Variants in CACNA1C observed in about 807,000 individuals in gnomAD.
CACNA1C encodes calcium voltage-gated channel subunit alpha1 C.
CACNA1C carries 30 observed loss-of-function variants against 229.0 expected under a neutral mutation model. The observed-to-expected ratio is 0.13, with a 90% CI of 0.10 to 0.18. The LOEUF is 0.18. CACNA1C is among the 10% of genes least tolerant of loss of function. The pLI, the probability that CACNA1C is intolerant of heterozygous loss-of-function variation, is 1.00. For missense variants in CACNA1C, 1,658 were observed against 2,845.0 expected, an observed-to-expected ratio of 0.58 and a Z score of 9.49; for synonymous variants, 1,114 against 1,132.5, an observed-to-expected ratio of 0.98 and a Z score of 0.33.
At chr12:2,212,950 C>T (rs193182443) in intron 3 of CACNA1C, among the ~76,000 whole-genome samples, 1 of 152,292 alleles carries the variant, frequency 6.6e-6, no homozygotes, top group Admixed American at 6.5e-5. Context: ...TAACACATTG[C>T]TCAGTGATGT....
chr12:2,075,763 A>G (rs751682633), intron 1 of CACNA1C, among the ~76,000 whole-genome samples: 4 of 152,208 alleles, frequency 2.6e-5, no homozygotes, highest in Non-Finnish European at 4.4e-5. Context: ...CAGTGGAGCC[A>G]GGTTCCCAGA....
At chr12:2,032,119 C>T (rs767134925) in intron 1 of CACNA1C, among the ~76,000 whole-genome samples, 4 of 151,830 alleles carry the variant, frequency 2.6e-5, no homozygotes, top group Admixed American at 6.6e-5. Flanking sequence ...AGTGGGAGCA[C>T]GGCTTGCGGC....
intron 3 of CACNA1C, among the ~76,000 whole-genome samples, chr12:2,203,654 A>C (rs4765667): frequency 0.34 from 51,593 of 151,158 alleles, 9,210 homozygotes; most frequent in South Asian, 0.39. Flanking sequence ...AGGGAAAGAG[A>C]GCACCAGGGG....
intron 9 of CACNA1C, among the ~76,000 whole-genome samples, chr12:2,518,720 G>A (rs1244497227): frequency 6.6e-6 from 1 of 152,094 alleles, no homozygotes; most frequent in Non-Finnish European, 1.5e-5. Context: ...TGAAGCATCT[G>A]GCTCAGATTA....
At chr12:2,606,360 G>A (rs1292324355) in intron 24 of CACNA1C, among the ~76,000 whole-genome samples, 2 of 151,822 alleles carry the variant, frequency 1.3e-5, no homozygotes. Context: ...CCTCCCTGGC[G>A]AGACCTCCCC....
intron 3 of CACNA1C, among the ~76,000 whole-genome samples, chr12:2,265,705 C>A (rs1255801630): frequency 6.6e-6 from 1 of 152,222 alleles, no homozygotes. Context: ...ATGGAATGTG[C>A]CTGGTAGCAA....
At chr12:2,116,465 G>C (rs1007394823) in intron 2 of CACNA1C, among the ~76,000 whole-genome samples, 2 of 151,396 alleles carry the variant, frequency 1.3e-5, no homozygotes, top group East Asian at 3.9e-4. Flanking sequence ...TCCTGGGTTC[G>C]CACCATTGTC....
At chr12:2,672,131 C>G (rs1193688491) in intron 38 of CACNA1C, 1 of 152,254 alleles carries the variant, frequency 6.6e-6, no homozygotes, top group Admixed American at 6.5e-5. Flanking sequence ...ACACCTACCT[C>G]AGAGAAGCAG....
At chr12:2,104,843 A>C (rs2077594628) in intron 1 of CACNA1C, among the ~76,000 whole-genome samples, 1 of 152,204 alleles carries the variant, frequency 6.6e-6, no homozygotes, top group African/African-American at 2.4e-5. Flanking sequence ...CTTCCTCTCC[A>C]TGCTTGGAAA....
At chr12:2,593,415 T>C in intron 19 of CACNA1C, 70 bp downstream of exon 19, 1 of 1,536,704 alleles carries the variant, frequency 6.5e-7, no homozygotes, top group Admixed American at 1.8e-5. Context: ...GCCTGTATTT[T>C]ACCTGAACCT....
chr12:2,565,510 GA>G (rs1288693670), intron 11 of CACNA1C, among the ~76,000 whole-genome samples: 1 of 151,192 alleles, frequency 6.6e-6, no homozygotes, highest in African/African-American at 2.4e-5. Flanking sequence ...CCAACCCCTA[GA>G]GAATCAGACT....
In CACNA1C at chr12:2,319,296, G is replaced by A. The variant is rs1190950171; in HGVS notation, c.478-129680G>A. ...GGTGGGTGGCCTGTGGGGGCAGCGT[G>A]CATGAAGGCGGCATGCATGGGGGTG... On this transcript the variant is annotated intron_variant, in intron 3 of 46. Transcript: ENST00000399655. The surrounding 1 kb of genome is among the most constrained non-coding windows in gnomAD (Gnocchi z 4.0). Among the ~76,000 whole-genome samples the A allele has an allele frequency of 1.3e-5, 2 of 151,990 alleles. No homozygotes were observed. Among genetic ancestry groups the A allele is most frequent in the Non-Finnish European group, 2.9e-5 (2 of 67,946 alleles).
intron 1 of CACNA1C, among the ~76,000 whole-genome samples, chr12:2,106,537 A>G (rs1426475513): frequency 9.1e-6 from 1 of 110,026 alleles, no homozygotes; most frequent in Non-Finnish European, 2.0e-5. Context: ...CTGGGCGCCC[A>G]CCCTGGAGAG....
intron 3 of CACNA1C, among the ~76,000 whole-genome samples, chr12:2,333,266 A>G (rs1480632184): frequency 3.9e-5 from 6 of 152,218 alleles, no homozygotes; most frequent in Non-Finnish European, 5.9e-5. Flanking sequence ...GCCAGTGTGT[A>G]GTAAGAGGTG....
intron 29 of CACNA1C, among the ~76,000 whole-genome samples, chr12:2,629,927 G>A (rs2089525017): frequency 6.6e-6 from 1 of 152,238 alleles, no homozygotes; most frequent in Admixed American, 6.5e-5. Flanking sequence ...ACTGGGACCT[G>A]CCCTGAGATG....
At chr12:2,364,492 T>C (rs1432942550) in intron 3 of CACNA1C, among the ~76,000 whole-genome samples, 1 of 152,080 alleles carries the variant, frequency 6.6e-6, no homozygotes, top group African/African-American at 2.4e-5. Flanking sequence ...GAGAGGAACT[T>C]AAGTTATGTT....
intron 3 of CACNA1C, among the ~76,000 whole-genome samples, chr12:2,432,049 T>G (rs1487205378): frequency 2.0e-5 from 3 of 152,176 alleles, no homozygotes; most frequent in African/African-American, 7.2e-5. Context: ...GTACTCTGTT[T>G]TATATCATTA....
At chr12:2,246,717 C>G (rs1271084850) in intron 3 of CACNA1C, among the ~76,000 whole-genome samples, 2 of 152,176 alleles carry the variant, frequency 1.3e-5, no homozygotes, top group East Asian at 3.8e-4. Context: ...CTGTCCTAAC[C>G]TGTTCTTTTA....
At chr12:2,040,504 G>A (rs2049899143) in intron 1 of CACNA1C, among the ~76,000 whole-genome samples, 1 of 152,236 alleles carries the variant, frequency 6.6e-6, no homozygotes, top group Admixed American at 6.5e-5. Flanking sequence ...TGTTATCAAA[G>A]TCTAAGCGGT....
Sources: gnomAD v4.1 joint callset for allele counts (sites outside exome capture counted in the v4.1 genomes callset) on GRCh38, gnomAD v4.1.1 for gene constraint, Gnocchi (gnomAD v3.1) non-coding constraint, MANE v1.5 for transcripts, NCBI Gene and HGNC (gene_info 2026-07-23, HGNC 2026-07-21) for gene names.